The following MBTD1 variants were observed in gnomAD, a reference collection of about 807,000 sequenced individuals.
MBTD1 encodes mbt domain containing 1, also known as MBT domain-containing protein 1.
Under a neutral mutation model 87.8 loss-of-function variants are expected in MBTD1, and 24 were observed. The ratio of observed to expected loss-of-function variants is 0.27; its 90% CI spans 0.20 to 0.38. The LOEUF (loss-of-function observed/expected upper bound fraction) is 0.38. Among genes scored for constraint, MBTD1 ranks in the 10% least tolerant of loss-of-function variants. The pLI is 1.00. For missense variants in MBTD1, 436 were observed against 760.2 expected, an observed-to-expected ratio of 0.57 and a Z score of 5.02; for synonymous variants, 237 against 248.6, an observed-to-expected ratio of 0.95 and a Z score of 0.44.
chr17:51,227,757 C>T lies in MBTD1; in HGVS notation c.-48-2548G>A, dbSNP rs113538402. ...CTGAGGTCAGGAGTTTGAGACCAGC[C>T]TAGTCCACGTGGGGAAATCCCGTCT... On this transcript the variant is annotated intron_variant, in intron 2 of 16. Coordinates refer to ENST00000586178, the MANE Select transcript of MBTD1 (RefSeq NM_017643.3). 1.4e-4 allele frequency among the ~76,000 whole-genome samples: 21 copies of T among 152,024 alleles called. 2 individuals are homozygous for T. The highest frequency in any genetic ancestry group is 5.1e-4 in the African/African-American group (21 of 41,454).
At chr17:51,193,208 T>A (rs2050895643) in intron 14 of MBTD1, among the ~76,000 whole-genome samples, 192 bp from the exon 15 acceptor site, 2 of 152,234 alleles carry the variant, frequency 1.3e-5, no homozygotes, top group Admixed American at 6.5e-5. Context: ...AGGAAAAATC[T>A]TCATTTCTAT....
chr17:51,232,120 G>A (rs1291977521), intron 2 of MBTD1, among the ~76,000 whole-genome samples: 2 of 151,860 alleles, frequency 1.3e-5, no homozygotes, highest in African/African-American at 4.8e-5. Flanking sequence ...GGCTTCTCTG[G>A]GATTTTGTAA....
At chr17:51,216,805 A>C (rs1448665547) in intron 6 of MBTD1, among the ~76,000 whole-genome samples, 1 of 152,166 alleles carries the variant, frequency 6.6e-6, no homozygotes, top group Non-Finnish European at 1.5e-5. Flanking sequence ...GATGGTCTTG[A>C]ACTCCTGACC....
At chr17:51,233,225 C>T (rs370816431) in intron 2 of MBTD1, among the ~76,000 whole-genome samples, 87 of 150,926 alleles carry the variant, frequency 5.8e-4, no homozygotes, top group African/African-American at 2.1e-3. Context: ...CAACCAATCA[C>T]CACAGTGAAG....
intron 2 of MBTD1, among the ~76,000 whole-genome samples, chr17:51,239,260 A>C (rs1038439901): frequency 1.3e-5 from 2 of 152,218 alleles, no homozygotes; most frequent in African/African-American, 4.8e-5. Flanking sequence ...CAACTAATAC[A>C]CTTTTTATTT....
At chr17:51,197,822 G>C (rs1438696171) in intron 12 of MBTD1, among the ~76,000 whole-genome samples, 3 of 152,074 alleles carry the variant, frequency 2.0e-5, no homozygotes, top group Non-Finnish European at 4.4e-5. Flanking sequence ...TTAATTTTCT[G>C]AAACATTTTC....
upstream of MBTD1, chr17:51,260,440 A>C: frequency 3.5e-6 from 3 of 857,516 alleles, no homozygotes; most frequent in Non-Finnish European, 5.3e-6. Context: ...AGTTACGTAG[A>C]GGGAGGGAGT....
At chr17:51,236,476 C>T (rs2053844038) in intron 2 of MBTD1, among the ~76,000 whole-genome samples, 1 of 152,176 alleles carries the variant, frequency 6.6e-6, no homozygotes, top group African/African-American at 2.4e-5. Context: ...AACACCTGGC[C>T]TCAAGTCATC....
intron 16 of MBTD1, among the ~76,000 whole-genome samples, chr17:51,181,417 G>T (rs899749442): frequency 6.6e-6 from 1 of 151,700 alleles, no homozygotes; most frequent in Non-Finnish European, 1.5e-5. Context: ...ATTACATAAG[G>T]ATGTAACATA....
chr17:51,259,961 C>A lies in MBTD1; in HGVS notation c.-239G>T, dbSNP rs894804572. The A allele has an allele frequency of 7.4e-6, 8 of 1,074,968 alleles. No homozygotes were observed. The highest frequency in any genetic ancestry group is 9.5e-6 in the Non-Finnish European group (8 of 845,120). The allele number at this position is 1,074,968 out of a possible 1,614,324, so 66.6% of individuals were successfully genotyped here. A position where few individuals can be genotyped will look rare whatever the true frequency, so the allele number is the denominator to read the frequency against. On this transcript the variant is annotated 5_prime_UTR_variant, in exon 1 of 17. Coordinates refer to ENST00000586178, the MANE Select transcript of MBTD1 (RefSeq NM_017643.3). ...CCGGGACTGCGGCGACTACAGGGGG[C>A]CCCCGGCTGGGCCCAGACCGGTGGC...
chr17:51,181,592 G>C (rs1413997898), intron 16 of MBTD1, among the ~76,000 whole-genome samples: 1 of 152,120 alleles, frequency 6.6e-6, no homozygotes, highest in Non-Finnish European at 1.5e-5. Context: ...AGGAGTTCGA[G>C]ATTACAGTGA....
At chr17:51,219,111 C>A in intron 4 of MBTD1, 67 bp from the exon 5 acceptor site, 1 of 754,016 alleles carries the variant, frequency 1.3e-6, no homozygotes. Context: ...TTTAACTGGA[C>A]TGCATACTAC....
intron 6 of MBTD1, among the ~76,000 whole-genome samples, 196 bp from the exon 7 acceptor site, chr17:51,207,201 T>C (rs551431099): frequency 6.6e-6 from 1 of 152,302 alleles, no homozygotes; most frequent in East Asian, 1.9e-4. Context: ...TCACATATAT[T>C]AGACTAGATT....
intron 3 of MBTD1, among the ~76,000 whole-genome samples, chr17:51,221,362 T>C (rs1235877866): frequency 6.6e-6 from 1 of 152,120 alleles, no homozygotes; most frequent in African/African-American, 2.4e-5. Context: ...AGGTGCTCTA[T>C]TATTAATCAG....
intron 12 of MBTD1, among the ~76,000 whole-genome samples, chr17:51,195,870 G>T (rs1326024460): frequency 6.6e-6 from 1 of 152,150 alleles, no homozygotes; most frequent in Non-Finnish European, 1.5e-5. Flanking sequence ...GGGTCCTCTT[G>T]TTCATTTCTT....
rs181101032 is a variant in MBTD1 at position 51,241,606 on chromosome 17, C to T, written c.-48-16397G>A. Among the ~76,000 whole-genome samples the T allele has an allele frequency of 1.3e-3, 200 of 152,168 alleles. 1 individual carries two copies. Among genetic ancestry groups the T allele is most frequent in the Non-Finnish European group, 1.3e-3 (90 of 68,018 alleles). On this transcript the variant is annotated intron_variant, in intron 2 of 16. Coordinates refer to ENST00000586178, the MANE Select transcript of MBTD1 (RefSeq NM_017643.3). ...TTTGAGATAGCGTCTCGCTGTTGCCCGGGCTGGAGTGCAGTGGTGCTATCC... is the reference window on the plus strand; with the variant it reads ...TTTGAGATAGCGTCTCGCTGTTGCCTGGGCTGGAGTGCAGTGGTGCTATCC...
intron 6 of MBTD1, 52 bp downstream of exon 6, chr17:51,217,282 A>G: frequency 9.3e-7 from 1 of 1,072,918 alleles, no homozygotes; most frequent in Non-Finnish European, 1.4e-6. Context: ...GTACCTTCAG[A>G]TTTAAACAAT....
chr17:51,239,065 A>C (rs1328082430), intron 2 of MBTD1, among the ~76,000 whole-genome samples: 1 of 150,778 alleles, frequency 6.6e-6, no homozygotes, highest in Non-Finnish European at 1.5e-5. Flanking sequence ...ATGCCACTGC[A>C]CTCCAGCTTG....
chr17:51,181,146 C>G (rs530691462), intron 16 of MBTD1, among the ~76,000 whole-genome samples: 7 of 151,916 alleles, frequency 4.6e-5, no homozygotes, highest in African/African-American at 1.4e-4. Context: ...TCAGCACCGC[C>G]CCCCCAAGTA....
Sources: allele counts gnomAD v4.1 joint callset (sites outside exome capture counted in the v4.1 genomes callset), GRCh38; gene constraint gnomAD v4.1.1; transcripts MANE v1.5; gene names NCBI Gene and HGNC (gene_info 2026-07-23, HGNC 2026-07-21).